Variants in LTBP1 observed in about 807,000 individuals in gnomAD.
The protein encoded by LTBP1 is latent-transforming growth factor beta-binding protein 1.
A neutral mutation model predicts 207.6 loss-of-function variants in LTBP1; 129 were observed. The observed-to-expected ratio is 0.62, with a 90% CI of 0.54 to 0.72. The LOEUF (loss-of-function observed/expected upper bound fraction) is 0.72. Ranked by LOEUF, LTBP1 falls within the 30% of genes least tolerant of loss-of-function variation. The pLI, the probability that LTBP1 is intolerant of heterozygous loss-of-function variation, is 0.00. For missense variants in LTBP1, 2,281 were observed against 2,217.2 expected (o/e 1.03, Z -0.58); for synonymous variants, 963 against 833.7 (o/e 1.16, Z -2.67).
chr2:33,309,369 A>G, intron 22 of LTBP1, 65 bp from the exon 23 acceptor site: 1 of 1,139,564 alleles, frequency 8.8e-7, no homozygotes, highest in Non-Finnish European at 1.3e-6. Flanking sequence ...TACATGTAAG[A>G]GAAATGTCTA....
intron 30 of LTBP1, among the ~76,000 whole-genome samples, chr2:33,364,950 G>A (rs1380424777): frequency 6.6e-6 from 1 of 152,178 alleles, no homozygotes; most frequent in African/African-American, 2.4e-5. Flanking sequence ...TGGATAAGAA[G>A]GCATGAATCC....
At chr2:33,044,347 G>A (rs368792991) in intron 3 of LTBP1, among the ~76,000 whole-genome samples, 9 of 152,012 alleles carry the variant, frequency 5.9e-5, no homozygotes, top group Non-Finnish European at 8.8e-5. Flanking sequence ...TCCCACTTAC[G>A]AGTGAGAACA....
intron 2 of LTBP1, among the ~76,000 whole-genome samples, chr2:32,970,923 T>G (rs1293647191): frequency 6.6e-6 from 1 of 152,008 alleles, no homozygotes; most frequent in Non-Finnish European, 1.5e-5. Context: ...TTGTGTCAAT[T>G]GTTATTTCTT....
chr2:33,019,802 C>T (rs1253670386), intron 2 of LTBP1, among the ~76,000 whole-genome samples: 2 of 151,874 alleles, frequency 1.3e-5, no homozygotes, highest in Non-Finnish European at 2.9e-5. Context: ...ACTGCAGCCT[C>T]GACCTCCTGA....
intron 31 of LTBP1, among the ~76,000 whole-genome samples, chr2:33,378,185 A>ATGTG (rs57388002): frequency 0.035 from 4,577 of 131,980 alleles, 105 homozygotes; most frequent in East Asian, 0.18. Context: ...ATATATATAT[A>ATGTG]TGTGTGTGTG....
chr2:33,126,705 T>C (rs1439208116), intron 4 of LTBP1, among the ~76,000 whole-genome samples: 1 of 152,242 alleles, frequency 6.6e-6, no homozygotes, highest in African/African-American at 2.4e-5. Context: ...GAAAAGGATA[T>C]TGAGGCTGAA....
intron 7 of LTBP1, among the ~76,000 whole-genome samples, chr2:33,203,978 C>T (rs2089606248): frequency 1.3e-5 from 2 of 152,138 alleles, no homozygotes; most frequent in African/African-American, 4.8e-5. Flanking sequence ...GCTGGTATTT[C>T]TGGGCTCTGA....
In LTBP1 at chr2:33,398,497, T is replaced by G. The variant is rs2095380229; in HGVS notation, c.5118T>G (p.Thr1706=). ...YVPSDKPNYC[T]PLNTALNLEK... ...CTTCTGACAAGCCAAACTACTGCAC[T>G]CCGTTGAATACCGCCTTGAATTTAG... is the stretch of plus-strand genomic sequence containing the variant. Residue 1706 remains threonine, a synonymous_variant, in exon 34 of 34, where the codon ACT becomes ACG. Coordinates refer to ENST00000404816, the MANE Select transcript of LTBP1 (RefSeq NM_206943.4). 1 of 1,614,186 alleles carries G rather than the reference T, an allele frequency of 6.2e-7. No homozygotes were observed. The highest frequency in any genetic ancestry group is 8.5e-7 in the Non-Finnish European group (1 of 1,180,014).
intron 8 of LTBP1, among the ~76,000 whole-genome samples, chr2:33,218,118 A>G (rs72858025): frequency 0.012 from 1,886 of 152,316 alleles, 38 homozygotes; most frequent in African/African-American, 0.044. Flanking sequence ...GGAAAGCTAA[A>G]ATGGAGAAAT....
At chr2:33,237,253 G>A (rs2092094932) in intron 9 of LTBP1, among the ~76,000 whole-genome samples, 6 of 152,122 alleles carry the variant, frequency 3.9e-5, no homozygotes, top group Admixed American at 3.9e-4. Flanking sequence ...AAAAACAAGA[G>A]ATTTTGCCAA....
intron 4 of LTBP1, among the ~76,000 whole-genome samples, chr2:33,131,306 A>G (rs2081776693): frequency 6.6e-6 from 1 of 152,212 alleles, no homozygotes; most frequent in Non-Finnish European, 1.5e-5. Context: ...CTGTTAGTGA[A>G]TTCCTACTAA....
chr2:33,304,844 G>T (rs1228844620), intron 22 of LTBP1, among the ~76,000 whole-genome samples: 3 of 152,196 alleles, frequency 2.0e-5, no homozygotes, highest in African/African-American at 7.2e-5. Context: ...AAGGTGGAAA[G>T]GTGGGATAGT....
chr2:33,092,021 A>G (rs887095855), intron 3 of LTBP1, among the ~76,000 whole-genome samples: 1 of 152,122 alleles, frequency 6.6e-6, no homozygotes, highest in African/African-American at 2.4e-5. Flanking sequence ...GCCTTTTTAC[A>G]TCTTGAGTTT....
intron 5 of LTBP1, among the ~76,000 whole-genome samples, chr2:33,184,586 T>A (rs74994304): frequency 1.6e-3 from 243 of 152,318 alleles, no homozygotes; most frequent in African/African-American, 5.5e-3. Flanking sequence ...CCTCTGCAGT[T>A]CCAAAGGATT....
chr2:33,280,795 A>G lies in LTBP1; in HGVS notation c.3112+637A>G, dbSNP rs369161013. Among the ~76,000 whole-genome samples the G allele has an allele frequency of 5.9e-5, 9 of 152,290 alleles. No individual in the cohort carries two copies. In the South Asian group the frequency reaches 1.9e-3, roughly 32 times the overall value. ...CTTAAGAACTTACTATAGGCTATGC[A>G]TGGTGGCTCATGCCTGTAATCCCAG... On this transcript the variant is annotated intron_variant, in intron 19 of 33. Coordinates refer to ENST00000404816, the MANE Select transcript of LTBP1 (RefSeq NM_206943.4).
At chr2:33,232,378 G>T (rs925168557) in intron 9 of LTBP1, among the ~76,000 whole-genome samples, 1 of 152,130 alleles carries the variant, frequency 6.6e-6, no homozygotes, top group African/African-American at 2.4e-5. Context: ...CTTTGTCGAT[G>T]GAACACTGAA....
chr2:33,186,313 A>ATG (rs1348983407), intron 5 of LTBP1, among the ~76,000 whole-genome samples: 1 of 152,104 alleles, frequency 6.6e-6, no homozygotes, highest in Non-Finnish European at 1.5e-5. Flanking sequence ...GGTACAGGAG[A>ATG]TGTTTTGATA....
Position 33,398,829 on chromosome 2 carries a change from T to A in LTBP1, c.*284T>A, listed in dbSNP as rs1359546043. On this transcript the variant is annotated 3_prime_UTR_variant, in exon 34 of 34. Coordinates refer to ENST00000404816, the MANE Select transcript of LTBP1 (RefSeq NM_206943.4). ...TGCTGTTATTTTAAACAGAAGGTTG[T>A]ATTATTATGTTGTTTTGTTTTTTTA... 8.7e-6 allele frequency: 2 copies of A among 229,546 alleles called. No homozygotes were observed. The highest frequency in any genetic ancestry group is 8.4e-6 in the Non-Finnish European group (1 of 118,514). The allele number at this position is 229,546 out of a possible 1,614,324, so 14.2% of individuals were successfully genotyped here. A position where few individuals can be genotyped will look rare whatever the true frequency, so the allele number is the denominator to read the frequency against.
chr2:33,196,358 T>C (rs1005051824), intron 7 of LTBP1, among the ~76,000 whole-genome samples: 3 of 152,220 alleles, frequency 2.0e-5, no homozygotes, highest in Non-Finnish European at 4.4e-5. Flanking sequence ...GAATAGTATA[T>C]TTTAAAGCCG....
Sources: allele counts gnomAD v4.1 joint callset (sites outside exome capture counted in the v4.1 genomes callset), GRCh38; gene constraint gnomAD v4.1.1; transcripts MANE v1.5; gene names NCBI Gene and HGNC (gene_info 2026-07-23, HGNC 2026-07-21).